The following PLEKHH1 variants were observed in gnomAD, a reference collection of about 807,000 sequenced individuals.
PLEKHH1 encodes the protein pleckstrin homology domain-containing family H member 1.
In PLEKHH1, 104 loss-of-function variants were observed where a neutral mutation model predicts 160.0. That is an observed-to-expected ratio of 0.65 (90% CI 0.55 to 0.76). The LOEUF (loss-of-function observed/expected upper bound fraction) is 0.76, where lower values mean the gene tolerates loss of function less well. PLEKHH1 is among the 30% of genes least tolerant of loss of function. PLEKHH1 has a pLI of 0.00. For synonymous variants in PLEKHH1, 619 were observed against 678.4 expected (o/e 0.91, Z 1.36); for missense variants, 1,427 against 1,724.1 (o/e 0.83, Z 3.05).
chr14:67,575,708 C>T lies in PLEKHH1; in HGVS notation c.2170-115C>T, dbSNP rs999890847. On this transcript the variant is annotated intron_variant, in intron 15 of 28. Transcript: ENST00000329153. ...GATGCTATAGTCTCCACCTCCCCAT[C>T]CTGTCATCGGTCCATATCCACGATT... 25 of 812,886 alleles carry T rather than the reference C, an allele frequency of 3.1e-5. No individual in the cohort carries two copies. In the East Asian group the frequency reaches 4.3e-4, roughly 14 times the overall value. 50.4% of individuals were successfully genotyped at this position (812,886 alleles called of 1,614,324 possible). A position where few individuals can be genotyped will look rare whatever the true frequency, so the allele number is the denominator to read the frequency against.
At chr14:67,575,677 G>A in intron 15 of PLEKHH1, 146 bp from the exon 16 acceptor site, 1 of 725,956 alleles carries the variant, frequency 1.4e-6, no homozygotes, top group Admixed American at 2.3e-5. Context: ...CTGCCAGCCT[G>A]GCTGGGATGC....
chr14:67,546,848 G>C (rs2034202215), intron 2 of PLEKHH1, among the ~76,000 whole-genome samples: 1 of 152,142 alleles, frequency 6.6e-6, no homozygotes, highest in Admixed American at 6.5e-5. Flanking sequence ...GGGTGACACA[G>C]CAAAATCCTG....
chr14:67,578,010 T>C lies in PLEKHH1; in HGVS notation c.2575-13T>C. 6.2e-7 allele frequency: 1 copy of C among 1,611,536 alleles called. No homozygotes were observed. On this transcript the variant is annotated splice_polypyrimidine_tract_variant and intron_variant, in intron 18 of 28. Coordinates refer to ENST00000329153, the MANE Select transcript of PLEKHH1 (RefSeq NM_020715.3). This position sits in a 1 kb window ranked among gnomAD's most constrained non-coding sequence, Gnocchi z 5.0. ...ATGCTGGTCTGCCTGTGCTCACTGC[T>C]GTTCCCTCCCAGTCCTGCCAGCTCT...
chr14:67,556,212 G>A (rs1424558605), intron 3 of PLEKHH1, among the ~76,000 whole-genome samples: 2 of 152,244 alleles, frequency 1.3e-5, no homozygotes, highest in East Asian at 3.8e-4. Flanking sequence ...CAGTCACTCA[G>A]GAATCCAGGT....
At chr14:67,541,621 G>A (rs972644078) in intron 1 of PLEKHH1, among the ~76,000 whole-genome samples, 1 of 152,180 alleles carries the variant, frequency 6.6e-6, no homozygotes, top group Non-Finnish European at 1.5e-5. Context: ...GGTTTCCTGA[G>A]GCTCTCAGCT....
chr14:67,541,609 G>A (rs974463509), intron 1 of PLEKHH1, among the ~76,000 whole-genome samples: 1 of 152,124 alleles, frequency 6.6e-6, no homozygotes, highest in Non-Finnish European at 1.5e-5. Context: ...CTCAGGTTTC[G>A]CGGTTTCCTG....
chr14:67,540,989 A>G (rs1379400533), intron 1 of PLEKHH1, among the ~76,000 whole-genome samples: 1 of 152,114 alleles, frequency 6.6e-6, no homozygotes, highest in East Asian at 1.9e-4. Flanking sequence ...AATTTGTACA[A>G]ATTTTTTTCC....
At position 67,577,355 on chromosome 14, in the gene PLEKHH1, G is replaced by A. The variant is rs750813400; in HGVS notation, c.2515G>A (p.Ala839Thr). The A allele has an allele frequency of 6.9e-6, 11 of 1,589,812 alleles. No individual in the cohort carries two copies. In the East Asian group the frequency reaches 1.6e-4, roughly 23 times the overall value. ...GTGCTACAGCAAAGACGGCCTATACGCCTCCCTCACCACCCTGCCCTCTGA... is the reference window on the plus strand; with the variant it reads ...GTGCTACAGCAAAGACGGCCTATACACCTCCCTCACCACCCTGCCCTCTGA... Reference protein sequence around the residue: ...MLCYSKDGLYASLTTLPSEAL... With the variant: ...MLCYSKDGLYTSLTTLPSEAL... The change falls in exon 18 of 29, where the codon GCC becomes ACC. Residue 839 changes from alanine to threonine, a missense_variant. By Grantham distance (58) the Ala-to-Thr change is moderately conservative. Around this residue, in one of 6 missense-constraint regions of PLEKHH1, gnomAD observed 436 missense variants for 607.5 expected, o/e 0.72. Transcript: ENST00000329153.
At position 67,568,941 on chromosome 14, in the gene PLEKHH1, G is replaced by A. The variant is rs951465811; in HGVS notation, c.1264-197G>A. 7 of 556,216 alleles carry A rather than the reference G, an allele frequency of 1.3e-5. No individual in the cohort carries two copies. In the African/African-American group the frequency reaches 1.3e-4, roughly 11 times the overall value. The allele number at this position is 556,216 out of a possible 1,614,324, so 34.5% of individuals were successfully genotyped here. On this transcript the variant is annotated intron_variant, in intron 7 of 28. Coordinates refer to ENST00000329153, the MANE Select transcript of PLEKHH1 (RefSeq NM_020715.3). Reference sequence around the variant, plus strand: ...ATTGATTCTCACAGCAGCCTGAAAGGTAAGTATTATTACCTCCATTTAGAG... The same window carrying A: ...ATTGATTCTCACAGCAGCCTGAAAGATAAGTATTATTACCTCCATTTAGAG...
intron 5 of PLEKHH1, among the ~76,000 whole-genome samples, chr14:67,560,461 C>G (rs2034785751): frequency 6.6e-6 from 1 of 152,226 alleles, no homozygotes; most frequent in African/African-American, 2.4e-5. Flanking sequence ...GTGCAGCCAT[C>G]ACTGCTATCT....
chr14:67,588,110 C>A lies in PLEKHH1; in HGVS notation c.*875C>A, dbSNP rs2036250073. The A allele has an allele frequency of 6.6e-6, 1 of 152,612 alleles. No homozygotes were observed. The highest frequency in any genetic ancestry group is 2.4e-5 in the African/African-American group (1 of 41,434). The allele number at this position is 152,612 out of a possible 1,614,324, so 9.5% of individuals were successfully genotyped here. On this transcript the variant is annotated 3_prime_UTR_variant, in exon 29 of 29. Transcript: ENST00000329153. The stretch of plus-strand genomic sequence containing the variant: ...AGTCTTTGCAGGATAACATGCTATA[C>A]CTGCTAAGATTCAAGCTGTTTTCCT...
intron 4 of PLEKHH1, 32 bp downstream of exon 4, chr14:67,557,450 C>G: frequency 6.2e-7 from 1 of 1,602,944 alleles, no homozygotes; most frequent in Non-Finnish European, 8.5e-7. Context: ...AGCACCATGC[C>G]CTCTTCGACA....
chr14:67,585,966 TAC>T lies in PLEKHH1; in HGVS notation c.3803_3804del (p.Tyr1268SerfsTer14). 6.2e-7 allele frequency: 1 copy of T among 1,613,320 alleles called. No individual in the cohort carries two copies. Among genetic ancestry groups the T allele is most frequent in the South Asian group, 1.1e-5 (1 of 90,942 alleles). ...DHNTMQVHIT[Y>X]PYSSVTTFGG... ...CTTTCCACAGCAAGTGCACATCACT[TAC>T]CCCTACTCTTCAGTGACAACGTTTG... On this transcript the variant is annotated frameshift_variant, in exon 28 of 29. Coordinates refer to ENST00000329153, the MANE Select transcript of PLEKHH1 (RefSeq NM_020715.3). LOFTEE classifies it high-confidence loss of function.
Position 67,589,345 on chromosome 14 carries a change from A to G in PLEKHH1, c.*2110A>G. 1.0e-6 allele frequency: 1 copy of G among 980,104 alleles called. No individual in the cohort carries two copies. The highest frequency in any genetic ancestry group is 1.2e-6 in the Non-Finnish European group (1 of 825,108). The allele number at this position is 980,104 out of a possible 1,614,324, so 60.7% of individuals were successfully genotyped here. On this transcript the variant is annotated 3_prime_UTR_variant, in exon 29 of 29. Transcript: ENST00000329153. ...TGCTTATTTATTCTTTGTTAACATG[A>G]GAGTCCCATGTCTGAAAACCAAAGT...
intron 1 of PLEKHH1, among the ~76,000 whole-genome samples, chr14:67,536,376 C>A (rs1433965713): frequency 2.6e-5 from 4 of 151,910 alleles, no homozygotes; most frequent in Non-Finnish European, 1.5e-5. Context: ...TCAGCCACGT[C>A]TGGCAGAGCA....
Position 67,562,415 on chromosome 14 carries a change from G to C in PLEKHH1, c.784G>C (p.Glu262Gln), listed in dbSNP as rs369573320. The stretch of plus-strand genomic sequence containing the variant: ...GCCCCTTCAACCTCATCTGGGAAGA[G>C]AGAGCCCTCCCCACCAGCCATGCAT... ...AKPLQPHLGRESPPHQPCMKL... is the reference protein window; with the variant it reads ...AKPLQPHLGRQSPPHQPCMKL... The change falls in exon 7 of 29, where the codon GAG (glutamate) becomes CAG (glutamine). Residue 262 changes from glutamate (E) to glutamine (Q), a missense_variant. This residue lies in a region of PLEKHH1 where 831 missense variants were observed against 929.2 expected (regional missense o/e 0.89). Transcript: ENST00000329153. The C allele has an allele frequency of 2.2e-5, 36 of 1,613,918 alleles. No homozygotes were observed. The highest frequency in any genetic ancestry group is 1.7e-4 in the Middle Eastern group (1 of 6,060).
At position 67,581,525 on chromosome 14, in the gene PLEKHH1, C is replaced by CA. The variant is rs1231982713; in HGVS notation, c.3284+495dup. The CA allele has an allele frequency of 9.2e-5, 15 of 163,574 alleles. 1 individual carries two copies. The highest frequency in any genetic ancestry group is 7.8e-4 in the South Asian group (5 of 6,392). The allele number at this position is 163,574 out of a possible 1,614,324, so 10.1% of individuals were successfully genotyped here. A position where few individuals can be genotyped will look rare whatever the true frequency, so the allele number is the denominator to read the frequency against. ...TGGGCAACAGAGTGAGACCCTGCCT[C>CA]AAAAAAAAGAAAAGAATAGAAAATA... is the stretch of plus-strand genomic sequence containing the variant. On this transcript the variant is annotated intron_variant, in intron 23 of 28. Transcript: ENST00000329153.
intron 2 of PLEKHH1, among the ~76,000 whole-genome samples, chr14:67,549,049 A>G (rs2034290011): frequency 6.6e-6 from 1 of 152,204 alleles, no homozygotes; most frequent in Non-Finnish European, 1.5e-5. Context: ...GCCCAGAAAA[A>G]CATATCCTAA....
At chr14:67,586,715 G>C in intron 28 of PLEKHH1, 3 of 892,364 alleles carry the variant, frequency 3.4e-6, no homozygotes, top group Non-Finnish European at 4.5e-6. Context: ...CCTAAAGTTA[G>C]AGTTTGCCAA....
Sources: gnomAD v4.1 joint callset for allele counts (sites outside exome capture counted in the v4.1 genomes callset) on GRCh38, gnomAD v4.1.1 for gene constraint, gnomAD v4.1.1 regional missense constraint, Gnocchi (gnomAD v3.1) non-coding constraint, MANE v1.5 for transcripts, NCBI Gene and HGNC (gene_info 2026-07-23, HGNC 2026-07-21) for gene names.